The following IL13RA1 variants were observed in gnomAD, a reference collection of about 807,000 sequenced individuals.
The protein encoded by IL13RA1 is interleukin 13 receptor subunit alpha 1.
In IL13RA1, 14 loss-of-function variants were observed where a neutral mutation model predicts 33.8. The ratio of observed to expected loss-of-function variants is 0.41; its 90% CI spans 0.27 to 0.65. The LOEUF (loss-of-function observed/expected upper bound fraction) is 0.65. Ranked by LOEUF, IL13RA1 falls within the 30% of genes least tolerant of loss-of-function variation. The probability of loss-of-function intolerance (pLI) is 0.28; values close to 1 mark genes in which losing one functional copy is unlikely to be tolerated. For missense variants in IL13RA1, 313 were observed against 327.0 expected (o/e 0.96, Z 0.33); for synonymous variants, 116 against 115.7 (o/e 1.00, Z -0.02).
At chrX:118,800,924 C>G in the IL13RA1 span, among the ~76,000 whole-genome samples, 1 of 111,485 alleles carries the variant, frequency 9.0e-6, no homozygotes, top group African/African-American at 3.3e-5. Context: ...GTAGCTGGGA[C>G]TACAGGCACT....
intron 8 of IL13RA1, among the ~76,000 whole-genome samples, chrX:118,773,389 G>A (rs1016270510): frequency 1.8e-5 from 2 of 111,833 alleles, no homozygotes; most frequent in African/African-American, 6.5e-5. Context: ...TACTCAGGAG[G>A]CTGAGGCAGG....
At chrX:118,765,921 T>TA (rs1469089039) in intron 6 of IL13RA1, among the ~76,000 whole-genome samples, 1 of 112,425 alleles carries the variant, frequency 8.9e-6, no homozygotes, top group Non-Finnish European at 1.9e-5. Flanking sequence ...CTTATCCTCT[T>TA]ATGAAGTGCC....
At chrX:118,754,275 G>C (rs2065420697) in intron 4 of IL13RA1, among the ~76,000 whole-genome samples, 1 of 111,517 alleles carries the variant, frequency 9.0e-6, no homozygotes. Flanking sequence ...AGGTTGTTGT[G>C]AGGGCTAGTG....
At chrX:118,733,092 A>G (rs1000884487) in intron 1 of IL13RA1, among the ~76,000 whole-genome samples, 1 of 112,198 alleles carries the variant, frequency 8.9e-6, no homozygotes, top group Non-Finnish European at 1.9e-5. Flanking sequence ...CAATTTCACA[A>G]TACTATTATG....
At chrX:118,736,993 G>A (rs2017289854) in intron 1 of IL13RA1, among the ~76,000 whole-genome samples, 1 of 112,639 alleles carries the variant, frequency 8.9e-6, no homozygotes, top group Non-Finnish European at 1.9e-5. Flanking sequence ...GAAAAATGAG[G>A]CGACAAGGGA....
chrX:118,751,006 C>T (rs182627766), intron 4 of IL13RA1, among the ~76,000 whole-genome samples: 335 of 111,331 alleles, frequency 3.0e-3, no homozygotes, highest in African/African-American at 9.0e-3. Context: ...AGGGTTTCAA[C>T]GTGTTGGCCA....
chrX:118,749,795 C>T lies in IL13RA1; in HGVS notation c.488+17C>T. 1 of 1,089,338 alleles carries T rather than the reference C, an allele frequency of 9.2e-7. No individual in the cohort carries two copies. The allele number at this position is 1,089,338 out of a possible 1,213,427, so 89.8% of individuals were successfully genotyped here. On this transcript the variant is annotated intron_variant, in intron 4 of 10. Transcript: ENST00000371666. ...CTACTATTGGTGAGTATGTACAGTA[C>T]AATTACTGGAAGACTGATTGTAATT...
intron 3 of IL13RA1, among the ~76,000 whole-genome samples, chrX:118,749,115 C>T (rs1181894452): frequency 1.8e-5 from 2 of 111,842 alleles, no homozygotes; most frequent in Non-Finnish European, 3.8e-5. Context: ...AGGGTTTTGC[C>T]GAGTTGGCCA....
intron 5 of IL13RA1, among the ~76,000 whole-genome samples, chrX:118,759,793 C>G (rs111777778): frequency 2.0e-3 from 225 of 111,141 alleles, no homozygotes; most frequent in African/African-American, 6.8e-3. Context: ...TTTTCTTTTT[C>G]TGAGACAGGG....
intron 2 of IL13RA1, among the ~76,000 whole-genome samples, chrX:118,743,509 A>G (rs1163354890): frequency 1.8e-5 from 2 of 111,754 alleles, no homozygotes; most frequent in African/African-American, 6.5e-5. Context: ...GGCAAGTAGA[A>G]GGAGGATCTA....
rs746441799 is a variant in IL13RA1, at chrX:118,749,464, G to A, written c.368-194G>A. ...TTTCTTTGTATCAGGAGGTAAGAGA[G>A]AAGGTTGTGAACAAATTAGATTTGA... On this transcript the variant is annotated intron_variant, in intron 3 of 10. Coordinates refer to ENST00000371666, the MANE Select transcript of IL13RA1 (RefSeq NM_001560.3). 1.1e-4 allele frequency among the ~76,000 whole-genome samples: 12 copies of A among 111,933 alleles called. No individual in the cohort carries two copies. The South Asian group carries it at 4.4e-3, about 41-fold the overall frequency.
chrX:118,765,797 A>G, intron 6 of IL13RA1, among the ~76,000 whole-genome samples: 1 of 112,494 alleles, frequency 8.9e-6, no homozygotes, highest in Middle Eastern at 4.6e-3. Context: ...TCATATCCTC[A>G]CAACACTTGT....
intron 7 of IL13RA1, 106 bp from the exon 8 acceptor site, chrX:118,766,738 G>A (rs1485060284): frequency 1.7e-6 from 1 of 598,376 alleles, no homozygotes; most frequent in East Asian, 3.4e-5. Flanking sequence ...TGCAATCCAA[G>A]TCTTAATCAT....
chrX:118,800,389 C>G, the IL13RA1 span, among the ~76,000 whole-genome samples: 1 of 111,008 alleles, frequency 9.0e-6, no homozygotes, highest in African/African-American at 3.3e-5. Flanking sequence ...GGCTTCACTC[C>G]TGAGCCCAGC....
In IL13RA1 at chrX:118,727,613, G is replaced by A. The variant is rs2017166728; in HGVS notation, c.-26G>A. 2 of 885,097 alleles carry A rather than the reference G, an allele frequency of 2.3e-6. No homozygotes were observed. The highest frequency in any genetic ancestry group is 6.0e-5 in the South Asian group (1 of 16,598). The allele number at this position is 885,097 out of a possible 1,213,427, so 72.9% of individuals were successfully genotyped here. ...GCGGGGACTGCCAAGGCTCCAGCCC[G>A]GCCGGGCTCCGAGGCGAGAGGCTGC... On this transcript the variant is annotated 5_prime_UTR_variant, in exon 1 of 11. Transcript: ENST00000371666.
At chrX:118,751,900 C>CA (rs34902050) in intron 4 of IL13RA1, among the ~76,000 whole-genome samples, 1,215 of 48,867 alleles carry the variant, frequency 0.025, 37 homozygotes, top group African/African-American at 0.056. Flanking sequence ...GAATAGAATG[C>CA]AAAAAAAAAA....
intron 9 of IL13RA1, among the ~76,000 whole-genome samples, chrX:118,774,398 C>T (rs1016894267): frequency 2.7e-5 from 3 of 111,393 alleles, no homozygotes; most frequent in Non-Finnish European, 5.6e-5. Flanking sequence ...ATCCACCCTC[C>T]TCAGCCTCCC....
rs764931079 is a variant in IL13RA1, at chrX:118,738,716, A to G, written c.89-2301A>G. ...ATGTGTCTTTATGATAGAATGAGTT[A>G]TTTTCCTTTGGGTATATATCAAGTA... On this transcript the variant is annotated intron_variant, in intron 1 of 10. Coordinates refer to ENST00000371666, the MANE Select transcript of IL13RA1 (RefSeq NM_001560.3). Among the ~76,000 whole-genome samples the G allele has an allele frequency of 3.4e-5, 3 of 89,372 alleles. No individual in the cohort carries two copies. The East Asian group carries it at 1.1e-3, about 31-fold the overall frequency. The allele number at this position is 89,372 out of a possible 115,157, so 77.6% of individuals were successfully genotyped here. A position where few individuals can be genotyped will look rare whatever the true frequency, so the allele number is the denominator to read the frequency against.
rs1016534001 is a variant in IL13RA1, at chrX:118,774,032, A to G, written c.1106+57A>G. The G allele has an allele frequency of 5.1e-6, 3 of 588,701 alleles. No homozygotes were observed. The East Asian group carries it at 1.0e-4, about 20-fold the overall frequency. The allele number at this position is 588,701 out of a possible 1,213,427, so 48.5% of individuals were successfully genotyped here. A position where few individuals can be genotyped will look rare whatever the true frequency, so the allele number is the denominator to read the frequency against. On this transcript the variant is annotated intron_variant, in intron 9 of 10. Coordinates refer to ENST00000371666, the MANE Select transcript of IL13RA1 (RefSeq NM_001560.3). ...TTCTGATAGCCTGTTTGCTGTGGTT[A>G]TTACTTTTAGTGCTTGTGTTTTATG...
Sources: allele counts gnomAD v4.1 joint callset (sites outside exome capture counted in the v4.1 genomes callset), GRCh38; gene constraint gnomAD v4.1.1; transcripts MANE v1.5; gene names NCBI Gene and HGNC (gene_info 2026-07-23, HGNC 2026-07-21).